The following CNTN3 variants were observed in gnomAD, a reference collection of about 807,000 sequenced individuals.
CNTN3 encodes contactin-3.
A neutral mutation model predicts 119.1 loss-of-function variants in CNTN3; 60 were observed. That is an observed-to-expected ratio of 0.50 (90% CI 0.41 to 0.62). The LOEUF (loss-of-function observed/expected upper bound fraction) is 0.62, where lower values mean the gene tolerates loss of function less well. Among genes scored for constraint, CNTN3 ranks in the 20% least tolerant of loss-of-function variants. The pLI is 0.00. For missense variants in CNTN3, 1,101 were observed against 1,242.4 expected, an observed-to-expected ratio of 0.89 and a Z score of 1.71; for synonymous variants, 450 against 438.7, an observed-to-expected ratio of 1.03 and a Z score of -0.32.
Position 74,317,363 on chromosome 3 carries a change from T to A in CNTN3, c.1669-14556A>T, listed in dbSNP as rs1233810338. On this transcript the variant is annotated intron_variant, in intron 13 of 22. Coordinates refer to ENST00000263665, the MANE Select transcript of CNTN3 (RefSeq NM_020872.3). ...TTTAAAGTTAATATTGTTATGTGTG[T>A]ATTTGGTCCTGTCATTATGATGTTA... 6.1e-4 allele frequency among the ~76,000 whole-genome samples: 93 copies of A among 151,792 alleles called. 1 individual carries two copies. The highest frequency in any genetic ancestry group is 2.2e-3 in the African/African-American group (91 of 41,356).
At chr3:74,536,399 T>C (rs1482147938) in intron 1 of CNTN3, among the ~76,000 whole-genome samples, 1 of 152,082 alleles carries the variant, frequency 6.6e-6, no homozygotes, top group East Asian at 1.9e-4. Context: ...AGGACCTTAA[T>C]GAAAACACTA....
At chr3:74,268,007 A>T (rs1575686798) in intron 20 of CNTN3, among the ~76,000 whole-genome samples, 1 of 152,264 alleles carries the variant, frequency 6.6e-6, no homozygotes, top group East Asian at 1.9e-4. Context: ...AGCTATACAC[A>T]TGAAAAATTG....
rs60508507 is a variant in CNTN3 at position 74,558,982 on chromosome 3, CAAT to C, written c.-80-37793_-80-37791del. On this transcript the variant is annotated intron_variant, in intron 1 of 22. Coordinates refer to ENST00000263665, the MANE Select transcript of CNTN3 (RefSeq NM_020872.3). ...TGGGTGACAGAGTGAGACCCTGTCT[CAAT>C]AATAATAATAATAATAATAATAGTA... Among the ~76,000 whole-genome samples, 612 of 143,116 alleles carry C rather than the reference CAAT, an allele frequency of 4.3e-3. 5 individuals carry two copies. The highest frequency in any genetic ancestry group is 0.033 in the South Asian group (146 of 4,396). 93.9% of individuals were successfully genotyped at this position (143,116 alleles called of 152,430 possible).
intron 13 of CNTN3, among the ~76,000 whole-genome samples, chr3:74,326,078 C>G (rs1703122017): frequency 6.6e-6 from 1 of 152,008 alleles, no homozygotes; most frequent in East Asian, 1.9e-4. Flanking sequence ...GTAATGTGTG[C>G]CTGCTTTATT....
intron 4 of CNTN3, among the ~76,000 whole-genome samples, chr3:74,474,921 C>T (rs774841508): frequency 6.6e-6 from 1 of 152,152 alleles, no homozygotes; most frequent in Non-Finnish European, 1.5e-5. Flanking sequence ...ATGTGACATG[C>T]CTGCTCCCTC....
chr3:74,429,497 A>G (rs2106906811), intron 4 of CNTN3, among the ~76,000 whole-genome samples: 1 of 152,292 alleles, frequency 6.6e-6, no homozygotes, highest in Non-Finnish European at 1.5e-5. Flanking sequence ...AAACTAGACC[A>G]CAAACGTAAA....
At chr3:74,518,740 T>C (rs914949864) in intron 2 of CNTN3, among the ~76,000 whole-genome samples, 1 of 151,940 alleles carries the variant, frequency 6.6e-6, no homozygotes, top group African/African-American at 2.4e-5. Context: ...GGAAGACTAG[T>C]ACAGAAATTC....
chr3:74,267,411 A>G (rs932047718), intron 20 of CNTN3, 33 bp from the exon 21 acceptor site: 3 of 1,436,270 alleles, frequency 2.1e-6, no homozygotes, highest in East Asian at 4.5e-5. Context: ...TTTAAAACAG[A>G]TCGAAGTACA....
intron 2 of CNTN3, among the ~76,000 whole-genome samples, chr3:74,509,737 A>G (rs1157556181): frequency 2.0e-5 from 3 of 152,174 alleles, no homozygotes; most frequent in Non-Finnish European, 4.4e-5. Context: ...GGCAGTATGT[A>G]TGAGAAGCCA....
Position 74,597,716 on chromosome 3 carries a change from G to A in CNTN3, c.-81+16675C>T, listed in dbSNP as rs147282108. The stretch of plus-strand genomic sequence containing the variant: ...AAACAAGCTTACAATGTTAAAAGCC[G>A]TCTTTGCAGGTGATACTTCTAATTT... On this transcript the variant is annotated intron_variant, in intron 1 of 22. Transcript: ENST00000263665. 3.1e-3 allele frequency among the ~76,000 whole-genome samples: 474 copies of A among 152,058 alleles called. 4 individuals are homozygous for A. Among genetic ancestry groups the A allele is most frequent in the African/African-American group, 0.011 (445 of 41,532 alleles).
chr3:74,582,740 G>T (rs1157787848), intron 1 of CNTN3, among the ~76,000 whole-genome samples: 1 of 151,718 alleles, frequency 6.6e-6, no homozygotes, highest in African/African-American at 2.4e-5. Context: ...AATGTAAAAT[G>T]GTGCAACCAC....
chr3:74,460,476 A>G (rs1350163031), intron 4 of CNTN3, among the ~76,000 whole-genome samples: 1 of 151,832 alleles, frequency 6.6e-6, no homozygotes, highest in Non-Finnish European at 1.5e-5. Flanking sequence ...AGCTTTATAC[A>G]ATGTTCAGCA....
chr3:74,609,548 G>A (rs1476845051), intron 1 of CNTN3, among the ~76,000 whole-genome samples: 2 of 152,178 alleles, frequency 1.3e-5, no homozygotes, highest in African/African-American at 4.8e-5. Flanking sequence ...CTTAGGAAAC[G>A]GATTGAGAGG....
intron 11 of CNTN3, among the ~76,000 whole-genome samples, chr3:74,349,274 A>G (rs1326616272): frequency 6.6e-6 from 1 of 152,206 alleles, no homozygotes; most frequent in Non-Finnish European, 1.5e-5. Flanking sequence ...ATGGTCTTCT[A>G]CACAAACAGA....
At position 74,459,586 on chromosome 3, in the gene CNTN3, G is replaced by C. The variant is rs376997171; in HGVS notation, c.358+26870C>G. 3.9e-5 allele frequency among the ~76,000 whole-genome samples: 6 copies of C among 151,966 alleles called. No homozygotes were observed. In the Admixed American group the frequency reaches 3.9e-4, roughly 10 times the overall value. ...AACATTAAACTTCTTTCAGAACTCT[G>C]CATGTCCTATGCTTGCTGAGTTTCC... On this transcript the variant is annotated intron_variant, in intron 4 of 22. Coordinates refer to ENST00000263665, the MANE Select transcript of CNTN3 (RefSeq NM_020872.3).
chr3:74,374,484 G>A (rs11921866), intron 5 of CNTN3, among the ~76,000 whole-genome samples: 7,076 of 151,926 alleles, frequency 0.047, 570 homozygotes, highest in African/African-American at 0.16. Context: ...TTTCCTAGGA[G>A]TAACTGTCCC....
At position 74,476,550 on chromosome 3, in the gene CNTN3, CACT is replaced by C. The variant is rs553390660; in HGVS notation, c.358+9903_358+9905del. ...AAAAATTTAAAAAGACAAAAATATT[CACT>C]ACAACAAGAGTCAGCAGATCAACAA... On this transcript the variant is annotated intron_variant, in intron 4 of 22. Transcript: ENST00000263665. 1.1e-3 allele frequency among the ~76,000 whole-genome samples: 161 copies of C among 152,220 alleles called. 1 individual carries two copies. The highest frequency in any genetic ancestry group is 3.8e-3 in the African/African-American group (156 of 41,558).
chr3:74,561,840 CT>C (rs901865835), intron 1 of CNTN3, among the ~76,000 whole-genome samples: 1 of 152,128 alleles, frequency 6.6e-6, no homozygotes, highest in Admixed American at 6.5e-5. Flanking sequence ...TGAATGGATT[CT>C]TTAAACCATC....
chr3:74,420,526 T>C (rs1701600119), intron 5 of CNTN3, among the ~76,000 whole-genome samples: 1 of 152,194 alleles, frequency 6.6e-6, no homozygotes, highest in African/African-American at 2.4e-5. Context: ...GTCAAAACAT[T>C]TAGTTAACTC....
Sources: gnomAD v4.1 joint callset for allele counts (sites outside exome capture counted in the v4.1 genomes callset) on GRCh38, gnomAD v4.1.1 for gene constraint, MANE v1.5 for transcripts, NCBI Gene and HGNC (gene_info 2026-07-23, HGNC 2026-07-21) for gene names.